The following PLXNA1 variants were observed in gnomAD, a reference collection of about 807,000 sequenced individuals.
PLXNA1 encodes plexin-A1.
A neutral mutation model predicts 191.7 loss-of-function variants in PLXNA1; 77 were observed. That is an observed-to-expected ratio of 0.40 (90% CI 0.33 to 0.49). The LOEUF (loss-of-function observed/expected upper bound fraction) is 0.49, where lower values mean the gene tolerates loss of function less well. Among genes scored for constraint, PLXNA1 ranks in the 20% least tolerant of loss-of-function variants. The pLI is 0.63. For missense variants in PLXNA1, 2,110 were observed against 2,660.2 expected (o/e 0.79, Z 4.55); for synonymous variants, 1,137 against 1,156.4 (o/e 0.98, Z 0.34).
At chr3:127,003,177 G>T (rs1282204677) in intron 3 of PLXNA1, among the ~76,000 whole-genome samples, 153 bp from the exon 4 acceptor site, 5 of 152,030 alleles carry the variant, frequency 3.3e-5, no homozygotes, top group African/African-American at 7.2e-5. Flanking sequence ...GGCTGGGGAT[G>T]TGGAGAGTGA....
At chr3:127,015,674 A>G (rs1033172006) in intron 15 of PLXNA1, among the ~76,000 whole-genome samples, 1 of 152,376 alleles carries the variant, frequency 6.6e-6, no homozygotes, top group South Asian at 2.1e-4. Context: ...CTTGAAGTGG[A>G]TAATTTTAGA....
At chr3:127,007,146 G>C (rs1444565136) in intron 8 of PLXNA1, among the ~76,000 whole-genome samples, 1 of 152,178 alleles carries the variant, frequency 6.6e-6, no homozygotes, top group African/African-American at 2.4e-5. Flanking sequence ...CAGGGTGGTG[G>C]GGGAGCTGGC....
At chr3:127,018,210 G>T in intron 19 of PLXNA1, 84 bp from the exon 20 acceptor site, 1 of 1,216,046 alleles carries the variant, frequency 8.2e-7, no homozygotes, top group South Asian at 1.4e-5. Context: ...GCAGGTGTTG[G>T]GGGTGGGTCT....
At position 127,007,843 on chromosome 3, in the gene PLXNA1, A is replaced by G. The variant is rs1303712988; in HGVS notation, c.2042A>G (p.Lys681Arg). 18 of 1,612,678 alleles carry G rather than the reference A, an allele frequency of 1.1e-5. No individual in the cohort carries two copies. Among genetic ancestry groups the G allele is most frequent in the Non-Finnish European group, 1.5e-5 (18 of 1,179,362 alleles). ...VNGSFPCHWC[K>R]YRHVCTHNVA... ...GGCTCCTTTCCCTGCCACTGGTGCA[A>G]ATACCGCCACGTGTGCACACACAAC... The change falls in exon 9 of 32, where the codon AAA (lysine) becomes AGA (arginine). Residue 681 changes from lysine to arginine, a missense_variant. Transcript: ENST00000393409.
intron 1 of PLXNA1, among the ~76,000 whole-genome samples, chr3:126,984,013 C>T (rs2078945101): frequency 6.6e-6 from 1 of 152,176 alleles, no homozygotes; most frequent in Non-Finnish European, 1.5e-5. Context: ...CTTGGCCTCC[C>T]CCTCTCGGGG....
intron 26 of PLXNA1, 58 bp from the exon 27 acceptor site, chr3:127,029,382 G>C: frequency 6.5e-7 from 1 of 1,531,394 alleles, no homozygotes; most frequent in Non-Finnish European, 9.0e-7. Flanking sequence ...GGGAGTGGGA[G>C]CCTGGTGGTG....
intron 26 of PLXNA1, 42 bp from the exon 27 acceptor site, chr3:127,029,398 G>T (rs772903914): frequency 6.3e-7 from 1 of 1,586,048 alleles, no homozygotes; most frequent in South Asian, 1.1e-5. Context: ...TGGTGCAGGG[G>T]CACCCTGGTG....
At chr3:126,995,333 C>T (rs2079010154) in intron 3 of PLXNA1, among the ~76,000 whole-genome samples, 1 of 152,218 alleles carries the variant, frequency 6.6e-6, no homozygotes, top group African/African-American at 2.4e-5. Context: ...GACCCCGGGC[C>T]ATGTCAGGAG....
chr3:126,999,995 C>T (rs1192726337), intron 3 of PLXNA1, among the ~76,000 whole-genome samples: 2 of 151,964 alleles, frequency 1.3e-5, no homozygotes, highest in Admixed American at 6.5e-5. Context: ...GGGGGCATCC[C>T]GTGTTCCGCC....
chr3:126,999,867 C>T lies in PLXNA1; in HGVS notation c.1378-3463C>T, dbSNP rs2079031390. 2.0e-5 allele frequency among the ~76,000 whole-genome samples: 3 copies of T among 152,088 alleles called. No homozygotes were observed. The South Asian group carries it at 6.2e-4, about 32-fold the overall frequency. ...GAGTGAGGGCCATGCCTGGCGTGGCCTGGGCACTGAGAGGCCTCGGGACTG... is the reference window on the plus strand; with the variant it reads ...GAGTGAGGGCCATGCCTGGCGTGGCTTGGGCACTGAGAGGCCTCGGGACTG... On this transcript the variant is annotated intron_variant, in intron 3 of 31. Coordinates refer to ENST00000393409, the MANE Select transcript of PLXNA1 (RefSeq NM_032242.4).
In PLXNA1 at chr3:127,003,395, G is replaced by A; in HGVS notation, c.1443G>A (p.Gln481=). The A allele has an allele frequency of 6.2e-7, 1 of 1,611,720 alleles. No individual in the cohort carries two copies. The highest frequency in any genetic ancestry group is 8.5e-7 in the Non-Finnish European group (1 of 1,179,402). ...PALAYESVVA[Q]EGSPILRDLV... is the part of the protein sequence containing the mutation. ...TGGCCTACGAGAGCGTCGTGGCCCA[G>A]GAGGGCAGCCCCATCCTGCGAGACC... The change falls in exon 4 of 32, where the codon CAG becomes CAA. Residue 481 remains glutamine, a synonymous_variant. Coordinates refer to ENST00000393409, the MANE Select transcript of PLXNA1 (RefSeq NM_032242.4).
Position 127,033,837 on chromosome 3 carries a change from C to T in PLXNA1, c.5596-85C>T, listed in dbSNP as rs546258263. 5.9e-6 allele frequency: 7 copies of T among 1,184,236 alleles called. No individual in the cohort carries two copies. The East Asian group carries it at 1.3e-4, about 22-fold the overall frequency. The allele number at this position is 1,184,236 out of a possible 1,614,324, so 73.4% of individuals were successfully genotyped here. ...GGTAGATGGGGTTGAACCTCTGGCA[C>T]CTACTCTGGAGGCATCTGCCCTGGG... On this transcript the variant is annotated intron_variant, in intron 31 of 31. Transcript: ENST00000393409.
At chr3:126,999,379 G>A (rs2079029077) in intron 3 of PLXNA1, among the ~76,000 whole-genome samples, 1 of 152,142 alleles carries the variant, frequency 6.6e-6, no homozygotes, top group South Asian at 2.1e-4. Context: ...GGGCCCGGAG[G>A]CAGCTCCACA....
At position 126,989,522 on chromosome 3, in the gene PLXNA1, G is replaced by T. The variant is rs780455982; in HGVS notation, c.929G>T (p.Arg310Leu). 1.2e-6 allele frequency: 2 copies of T among 1,613,350 alleles called. No individual in the cohort carries two copies. The highest frequency in any genetic ancestry group is 2.2e-5 in the East Asian group (1 of 44,876). ...TGCGAGCAGGCGGGTGTGGAGTACCGCCTGGTGCAGGATGCCTACCTGAGC... is the reference window on the plus strand; with the variant it reads ...TGCGAGCAGGCGGGTGTGGAGTACCTCCTGGTGCAGGATGCCTACCTGAGC... ...IGCEQAGVEY[R>L]LVQDAYLSRP... is the part of the protein sequence containing the mutation. The change falls in exon 2 of 32, where the codon CGC (arginine) becomes CTC (leucine). Residue 310 changes from arginine (R) to leucine (L), a missense_variant. This residue lies in a region of PLXNA1 where 903 missense variants were observed against 1,015.7 expected (regional missense o/e 0.89). Transcript: ENST00000393409.
In PLXNA1 at chr3:127,032,846, G is replaced by A. The variant is rs6439031; in HGVS notation, c.5595+10G>A. On this transcript the variant is annotated intron_variant, in intron 31 of 31. Coordinates refer to ENST00000393409, the MANE Select transcript of PLXNA1 (RefSeq NM_032242.4). ...CAAGTACAAGGATGAGGTGAACACC[G>A]TGGGAGCCCACAGGCTGGGCTAGGA... The A allele has an allele frequency of 1, 1,609,319 of 1,612,142 alleles. 803,293 individuals carry two copies. The highest frequency in any genetic ancestry group is 1 in the East Asian group (44,864 of 44,864).
chr3:127,004,541 A>AGT, intron 4 of PLXNA1, 70 bp from the exon 5 acceptor site: 1 of 1,032,046 alleles, frequency 9.7e-7, no homozygotes, highest in South Asian at 1.4e-5. Context: ...CAGAGTAGGG[A>AGT]GTCAGAGGTG....
chr3:126,989,840 G>A, intron 2 of PLXNA1, 53 bp downstream of exon 2: 14 of 1,448,824 alleles, frequency 9.7e-6, no homozygotes, highest in Middle Eastern at 4.3e-4. Context: ...CTCCAGGGAC[G>A]ACGGCATCGG....
chr3:127,025,325 G>A (rs1024218003), intron 23 of PLXNA1, among the ~76,000 whole-genome samples: 28 of 152,108 alleles, frequency 1.8e-4, no homozygotes, highest in African/African-American at 6.0e-4. Flanking sequence ...CACTGTTACC[G>A]TAGCCTTTTC....
Position 127,032,536 on chromosome 3 carries a change from ACT to A in PLXNA1, c.5383_5384del (p.Ser1795ThrfsTer42). 2.5e-6 allele frequency: 4 copies of A among 1,613,712 alleles called. No homozygotes were observed. Among genetic ancestry groups the A allele is most frequent in the Non-Finnish European group, 3.4e-6 (4 of 1,179,946 alleles). On this transcript the variant is annotated frameshift_variant, in exon 30 of 32. Transcript: ENST00000393409. LOFTEE classifies it high-confidence loss of function. ...ACCTCTGAGCACAAGCTGGGCAAGG[ACT>A]CACCCTCCAACAAGCTGCTCTACGC...
Sources: gnomAD v4.1 joint callset for allele counts (sites outside exome capture counted in the v4.1 genomes callset) on GRCh38, gnomAD v4.1.1 for gene constraint, gnomAD v4.1.1 regional missense constraint, MANE v1.5 for transcripts, NCBI Gene and HGNC (gene_info 2026-07-23, HGNC 2026-07-21) for gene names.